PGM3: variants seen among roughly 807,000 people sequenced by gnomAD.
PGM3 encodes phosphoglucomutase 3, also known as phosphoacetylglucosamine mutase.
PGM3 carries 40 observed loss-of-function variants against 66.2 expected under a neutral mutation model. The observed-to-expected ratio is 0.60, with a 90% confidence interval of 0.47 to 0.79. The LOEUF (loss-of-function observed/expected upper bound fraction) is 0.79. PGM3 is among the 30% of genes least tolerant of loss of function. The pLI is 0.00. For missense variants in PGM3, 537 were observed against 643.4 expected, an observed-to-expected ratio of 0.83 and a Z score of 1.79; for synonymous variants, 191 against 224.2, an observed-to-expected ratio of 0.85 and a Z score of 1.32.
intron 10 of PGM3, 63 bp downstream of exon 10, chr6:83,174,311 G>T: frequency 1.1e-6 from 1 of 885,450 alleles, no homozygotes; most frequent in Non-Finnish European, 1.9e-6. Context: ...CCCACACTCT[G>T]TTCTGTCCAT....
downstream of PGM3, among the ~76,000 whole-genome samples, chr6:83,157,772 T>G (rs944124766): frequency 6.6e-6 from 1 of 152,146 alleles, no homozygotes; most frequent in Non-Finnish European, 1.5e-5. Context: ...CAGAGAGACT[T>G]TCACAAAGAT....
At position 83,167,777 on chromosome 6, in the gene PGM3, T is replaced by C. The variant is rs495944; in HGVS notation, c.*1457A>G. 0.23 allele frequency: 341,363 copies of C among 1,456,842 alleles called. 40,747 individuals are homozygous for C. The highest frequency in any genetic ancestry group is 0.24 in the Non-Finnish European group (265,740 of 1,104,524). The allele number at this position is 1,456,842 out of a possible 1,614,324, so 90.2% of individuals were successfully genotyped here. ...TCATTTGTATTCATTTCTTGACCAA[T>C]TGCCAAAGTTTATATATTTTTAATT... On this transcript the variant is annotated 3_prime_UTR_variant, in exon 13 of 13. Transcript: ENST00000513973.
rs199803839 is a variant in PGM3 at position 83,168,010 on chromosome 6, G to A, written c.*1224C>T. On this transcript the variant is annotated 3_prime_UTR_variant, in exon 13 of 13. Coordinates refer to ENST00000513973, the MANE Select transcript of PGM3 (RefSeq NM_015599.3). ...GTCTTCAACAGCAAAGTCACAAGCC[G>A]ATGTGGAGGACACTCAGGGAGTCCT... 8.7e-5 allele frequency: 140 copies of A among 1,614,162 alleles called. 1 individual carries two copies. In the East Asian group the frequency reaches 2.5e-3, roughly 29 times the overall value.
chr6:83,171,983 C>T lies in PGM3; in HGVS notation c.1319G>A (p.Trp440Ter). ...TGGAAGATCTGTATAGAGAGCATCC[C>T]ACTGTTGTACAGTCAAGCCCTTCAG... is the stretch of plus-strand genomic sequence containing the variant. Reference protein sequence around the residue: ...LALKGLTVQQWDALYTDLPNR... With the variant: ...LALKGLTVQQ The change falls in exon 11 of 13, where the codon TGG becomes TAG. Residue 440 changes from tryptophan to a stop codon, truncating the protein, a stop_gained. Coordinates refer to ENST00000513973, the MANE Select transcript of PGM3 (RefSeq NM_015599.3). LOFTEE classifies it high-confidence loss of function. 6.2e-7 allele frequency: 1 copy of T among 1,612,610 alleles called. No homozygotes were observed. Among genetic ancestry groups the T allele is most frequent in the Non-Finnish European group, 8.5e-7 (1 of 1,178,644 alleles).
Position 83,166,289 on chromosome 6 carries a change from G to T in PGM3, c.*2945C>A, listed in dbSNP as rs1047014378. The T allele has an allele frequency of 1.0e-5, 6 of 596,450 alleles. No individual in the cohort carries two copies. Among genetic ancestry groups the T allele is most frequent in the Non-Finnish European group, 1.8e-5 (6 of 333,204 alleles). The allele number at this position is 596,450 out of a possible 1,614,324, so 36.9% of individuals were successfully genotyped here. A position where few individuals can be genotyped will look rare whatever the true frequency, so the allele number is the denominator to read the frequency against. On this transcript the variant is annotated 3_prime_UTR_variant, in exon 13 of 13. Coordinates refer to ENST00000513973, the MANE Select transcript of PGM3 (RefSeq NM_015599.3). The stretch of plus-strand genomic sequence containing the variant: ...TTATAGTTGTAAGAGGATCAGCTTC[G>T]ATGATGTTCTCAATTGGTCATTATC...
chr6:83,151,505 G>T, the PGM3 span: 1 of 961,434 alleles, frequency 1.0e-6, no homozygotes, highest in South Asian at 1.8e-5. Flanking sequence ...AGACCATTAA[G>T]CCGCTTAACT....
Position 83,178,623 on chromosome 6 carries a change from A to T in PGM3, c.1029+50T>A, listed in dbSNP as rs1386275072. The T allele has an allele frequency of 1.8e-5, 18 of 998,818 alleles. No individual in the cohort carries two copies. The East Asian group carries it at 4.0e-4, about 22-fold the overall frequency. 61.9% of individuals were successfully genotyped at this position (998,818 alleles called of 1,614,324 possible). On this transcript the variant is annotated intron_variant, in intron 8 of 12. Transcript: ENST00000513973. Reference sequence around the variant, plus strand: ...TATGAGGGCAGTATCTTTCTCACAGAAACATGATCTTAATTAAGAAACTAC... The same window carrying T: ...TATGAGGGCAGTATCTTTCTCACAGTAACATGATCTTAATTAAGAAACTAC...
chr6:83,170,276 T>C, intron 12 of PGM3, 29 bp downstream of exon 12: 1 of 1,606,678 alleles, frequency 6.2e-7, no homozygotes, highest in Non-Finnish European at 8.5e-7. Context: ...AATATTAGGC[T>C]CTTTTTCAAT....
At chr6:83,159,637 T>A (rs909989126), downstream of PGM3, 4 of 808,776 alleles carry the variant, frequency 4.9e-6, no homozygotes, top group African/African-American at 3.5e-5. Context: ...AATTTTTGAT[T>A]TGAAAACAGT....
At chr6:83,161,834 G>A (rs1192510524), downstream of PGM3, among the ~76,000 whole-genome samples, 1 of 152,018 alleles carries the variant, frequency 6.6e-6, no homozygotes, top group Non-Finnish European at 1.5e-5. Context: ...GATTTATCCT[G>A]TCTCTATATT....
the PGM3 span, chr6:83,156,129 T>C: frequency 3.2e-6 from 5 of 1,582,128 alleles, no homozygotes; most frequent in Non-Finnish European, 4.3e-6. Context: ...CCCTTTATTT[T>C]TTCTCTAACT....
In PGM3 at chr6:83,172,381, C is replaced by G. The variant is rs111632045; in HGVS notation, c.1243-322G>C. On this transcript the variant is annotated intron_variant, in intron 10 of 12. Transcript: ENST00000513973. The stretch of plus-strand genomic sequence containing the variant: ...AATGCCTGTGAACAGCCAATGCACT[C>G]CAGCCTGGGCAACATAGCAAGACCT... Among the ~76,000 whole-genome samples the G allele has an allele frequency of 5.9e-3, 899 of 152,252 alleles. 10 individuals carry two copies. The highest frequency in any genetic ancestry group is 0.02 in the African/African-American group (847 of 41,550).
chr6:83,190,541 A>C (rs1458052651), intron 2 of PGM3: 1 of 455,294 alleles, frequency 2.2e-6, no homozygotes, highest in Non-Finnish European at 3.9e-6. Flanking sequence ...AAATGTCTTA[A>C]ATCAATAAAT....
rs1788108561 is a variant in PGM3, at chr6:83,180,617, G to T, written c.788-650C>A. 2.0e-5 allele frequency among the ~76,000 whole-genome samples: 3 copies of T among 152,288 alleles called. No homozygotes were observed. The South Asian group carries it at 6.2e-4, about 32-fold the overall frequency. On this transcript the variant is annotated intron_variant, in intron 6 of 12. Transcript: ENST00000513973. Reference sequence around the variant, plus strand: ...AATGGGATCATAAGATTGATGAAAGGACATGATGCAAGCTTCAGGAAAGCA... The same window carrying T: ...AATGGGATCATAAGATTGATGAAAGTACATGATGCAAGCTTCAGGAAAGCA...
intron 12 of PGM3, chr6:83,169,844 G>A (rs1033669993): frequency 4.4e-6 from 2 of 456,438 alleles, no homozygotes; most frequent in Non-Finnish European, 8.8e-6. Flanking sequence ...CTTGACCCCT[G>A]TCAGGGAAAC....
downstream of PGM3, among the ~76,000 whole-genome samples, chr6:83,159,020 C>A (rs969330633): frequency 6.6e-6 from 1 of 152,016 alleles, no homozygotes; most frequent in Non-Finnish European, 1.5e-5. Flanking sequence ...TACTTTTATT[C>A]TTTTTAATAG....
chr6:83,163,908 T>TC (rs1184600188), downstream of PGM3, among the ~76,000 whole-genome samples: 8 of 152,064 alleles, frequency 5.3e-5, no homozygotes, highest in African/African-American at 1.9e-4. Flanking sequence ...TTGTCTTATA[T>TC]ACTTTTTATC....
In PGM3 at chr6:83,166,558, C is replaced by G; in HGVS notation, c.*2676G>C. On this transcript the variant is annotated 3_prime_UTR_variant, in exon 13 of 13. Coordinates refer to ENST00000513973, the MANE Select transcript of PGM3 (RefSeq NM_015599.3). ...AATATAAACAGCAATAAGTCATTAG[C>G]AAAAAAAAAGTGAGAAATATGCTTA... is the stretch of plus-strand genomic sequence containing the variant. 1.7e-6 allele frequency: 1 copy of G among 578,100 alleles called. No homozygotes were observed. The highest frequency in any genetic ancestry group is 1.9e-5 in the African/African-American group (1 of 52,658). The allele number at this position is 578,100 out of a possible 1,614,324, so 35.8% of individuals were successfully genotyped here.
downstream of PGM3, among the ~76,000 whole-genome samples, chr6:83,159,583 G>T (rs766938429): frequency 6.6e-6 from 1 of 152,098 alleles, no homozygotes; most frequent in Non-Finnish European, 1.5e-5. Context: ...AAGCCACTGC[G>T]CCCAGTCTAT....
Sources: allele counts gnomAD v4.1 joint callset (sites outside exome capture counted in the v4.1 genomes callset), GRCh38; gene constraint gnomAD v4.1.1; transcripts MANE v1.5; gene names NCBI Gene and HGNC (gene_info 2026-07-23, HGNC 2026-07-21).